Variants in VEPH1 observed in about 807,000 individuals in gnomAD.
The protein encoded by VEPH1 is ventricular zone-expressed PH domain-containing protein homolog 1.
A neutral mutation model predicts 85.2 loss-of-function variants in VEPH1; 80 were observed. The ratio of observed to expected loss-of-function variants is 0.94; its 90% confidence interval spans 0.78 to 1.13. The LOEUF (loss-of-function observed/expected upper bound fraction) is 1.13, where lower values mean the gene tolerates loss of function less well. VEPH1 is among the 50% of genes most tolerant of loss of function. The pLI, the probability that VEPH1 is intolerant of heterozygous loss-of-function variation, is 0.00. For missense variants in VEPH1, 955 were observed against 980.5 expected (o/e 0.97, Z 0.35); for synonymous variants, 297 against 348.0 (o/e 0.85, Z 1.63).
chr3:157,305,378 G>A (rs932831400), intron 11 of VEPH1, among the ~76,000 whole-genome samples: 9 of 151,906 alleles, frequency 5.9e-5, no homozygotes, highest in African/African-American at 2.2e-4. Flanking sequence ...CCAAAGTGCT[G>A]GGATTACAGG....
chr3:157,333,251 A>G (rs1010298814), intron 9 of VEPH1, among the ~76,000 whole-genome samples: 6 of 152,182 alleles, frequency 3.9e-5, no homozygotes, highest in African/African-American at 1.4e-4. Flanking sequence ...GCACCTTCCA[A>G]TAAGTGATGA....
At chr3:157,334,215 T>A (rs753323681) in intron 9 of VEPH1, among the ~76,000 whole-genome samples, 21 of 152,120 alleles carry the variant, frequency 1.4e-4, no homozygotes, top group Non-Finnish European at 2.4e-4. Flanking sequence ...CATGAGAAAG[T>A]TAGGGGGCAT....
chr3:157,332,854 T>A (rs571194545), intron 9 of VEPH1, among the ~76,000 whole-genome samples: 1 of 152,328 alleles, frequency 6.6e-6, no homozygotes, highest in African/African-American at 2.4e-5. Context: ...TCTTACAATG[T>A]CCAAACTTAA....
chr3:157,291,855 G>A (rs1717509830), intron 11 of VEPH1, among the ~76,000 whole-genome samples: 2 of 152,018 alleles, frequency 1.3e-5, no homozygotes, highest in African/African-American at 4.8e-5. Flanking sequence ...ATCAACAGTA[G>A]CATTTAGGTT....
At chr3:157,361,308 T>C (rs965454637) in intron 9 of VEPH1, among the ~76,000 whole-genome samples, 2 of 152,214 alleles carry the variant, frequency 1.3e-5, no homozygotes, top group African/African-American at 4.8e-5. Flanking sequence ...AGTGTCAGAT[T>C]ATAACAGACA....
intron 1 of VEPH1, among the ~76,000 whole-genome samples, chr3:157,502,104 C>T (rs79557851): frequency 6.6e-6 from 1 of 152,162 alleles, no homozygotes; most frequent in Non-Finnish European, 1.5e-5. Flanking sequence ...TTGGCTGTGG[C>T]GTGCTGCTAC....
chr3:157,460,679 A>G (rs1251158521), intron 3 of VEPH1, among the ~76,000 whole-genome samples: 1 of 152,182 alleles, frequency 6.6e-6, no homozygotes, highest in African/African-American at 2.4e-5. Context: ...GTAATGTCTT[A>G]GTTGGGACCT....
chr3:157,470,527 A>G lies in VEPH1; in HGVS notation c.141T>C (p.Asp47=). 1.2e-6 allele frequency: 2 copies of G among 1,613,954 alleles called. No individual in the cohort carries two copies. Among genetic ancestry groups the G allele is most frequent in the Non-Finnish European group, 1.7e-6 (2 of 1,179,892 alleles). The change falls in exon 3 of 14, where the codon GAT becomes GAC. Residue 47 remains aspartate (D), a splice_region_variant and synonymous_variant. Transcript: ENST00000362010. ...CCTGGTCATTGTTATTGGTTTGGTA[A>G]TCCTGTTTGGAAAGAAAATCTTCAT... ...EQIKIISSSS[D]YQTNNNDQAV...
At chr3:157,441,054 T>G (rs1015101101) in intron 4 of VEPH1, among the ~76,000 whole-genome samples, 3 of 152,234 alleles carry the variant, frequency 2.0e-5, no homozygotes, top group Non-Finnish European at 4.4e-5. Flanking sequence ...AGGAGCAGAA[T>G]GGAAGGGCCT....
At chr3:157,343,274 C>A (rs1723798301) in intron 9 of VEPH1, among the ~76,000 whole-genome samples, 2 of 151,976 alleles carry the variant, frequency 1.3e-5, no homozygotes, top group East Asian at 3.9e-4. Context: ...AATTGATAGA[C>A]CACTAGCAAG....
At chr3:157,479,993 CTCTCTTTCTTTCTTTTTCTTTCTTT>C (rs2109575031) in intron 2 of VEPH1, among the ~76,000 whole-genome samples, 1 of 151,882 alleles carries the variant, frequency 6.6e-6, no homozygotes, top group East Asian at 1.9e-4. Context: ...TTTTCACTTT[CTCTCTTTCTTTCTTTTTCTTTCTTT>C]TCTCTTTCTT....
chr3:157,345,354 C>A (rs1446075813), intron 9 of VEPH1, among the ~76,000 whole-genome samples: 2 of 152,168 alleles, frequency 1.3e-5, no homozygotes, highest in East Asian at 1.9e-4. Flanking sequence ...CCATCAAAAT[C>A]AAAAAGTGGG....
intron 9 of VEPH1, among the ~76,000 whole-genome samples, chr3:157,336,210 C>A (rs903239546): frequency 5.9e-5 from 9 of 152,216 alleles, no homozygotes; most frequent in Admixed American, 4.6e-4. Context: ...ATTGTTGGCA[C>A]TATTCTTGTC....
chr3:157,317,863 G>T lies in VEPH1; in HGVS notation c.1736-662C>A, dbSNP rs535953688. Among the ~76,000 whole-genome samples the T allele has an allele frequency of 7.9e-5, 12 of 152,220 alleles. No homozygotes were observed. The East Asian group carries it at 2.3e-3, about 29-fold the overall frequency. ...GCAAATATGGGTTGAGATTCTATGG[G>T]CTAGGCACTGTGTTAAGTACTGGAT... On this transcript the variant is annotated intron_variant, in intron 9 of 13. Transcript: ENST00000362010.
Position 157,461,098 on chromosome 3 carries a change from T to C in VEPH1, c.355-743A>G, listed in dbSNP as rs567593780. ...ATTCAGAGGAAAAAAAATAAATGAA[T>C]GTAAGATTAAAACCTAAAGGTATTC... On this transcript the variant is annotated intron_variant, in intron 3 of 13. Transcript: ENST00000362010. Among the ~76,000 whole-genome samples the C allele has an allele frequency of 1.7e-4, 26 of 152,298 alleles. No individual in the cohort carries two copies. The South Asian group carries it at 2.7e-3, about 16-fold the overall frequency.
chr3:157,448,203 A>T (rs1392363244), intron 4 of VEPH1, among the ~76,000 whole-genome samples: 2 of 152,154 alleles, frequency 1.3e-5, no homozygotes, highest in African/African-American at 4.8e-5. Flanking sequence ...AATGAGCTGA[A>T]TTTATCATAA....
chr3:157,363,616 T>TA lies in VEPH1; in HGVS notation c.1482dup (p.Lys495Ter). The TA allele has an allele frequency of 1.2e-6, 2 of 1,614,174 alleles. No homozygotes were observed. Among genetic ancestry groups the TA allele is most frequent in the Non-Finnish European group, 1.7e-6 (2 of 1,180,012 alleles). ...AGCTGTGATCTCTCAGTGTCTGTCT[T>TA]AAACGGCAGCTTGTCATTTCCTTGG... On this transcript the variant is annotated frameshift_variant, in exon 9 of 14. Transcript: ENST00000362010. LOFTEE classifies it high-confidence loss of function.
intron 4 of VEPH1, among the ~76,000 whole-genome samples, chr3:157,456,061 T>C (rs1485077973): frequency 6.6e-6 from 1 of 152,074 alleles, no homozygotes; most frequent in Non-Finnish European, 1.5e-5. Context: ...TGTTATTTTT[T>C]AATAATACAC....
Position 157,328,689 on chromosome 3 carries a change from G to A in VEPH1, c.1736-11488C>T, listed in dbSNP as rs898902571. Among the ~76,000 whole-genome samples the A allele has an allele frequency of 7.2e-5, 11 of 152,126 alleles. No homozygotes were observed. The East Asian group carries it at 1.5e-3, about 21-fold the overall frequency. ...AAGTGAGACTTTTGATGTACATGTC[G>A]TTTTGAGGCTCAGAAGCACAGAAAT... On this transcript the variant is annotated intron_variant, in intron 9 of 13. Coordinates refer to ENST00000362010, the MANE Select transcript of VEPH1 (RefSeq NM_001167912.2).
Sources: gnomAD v4.1 joint callset for allele counts (sites outside exome capture counted in the v4.1 genomes callset) on GRCh38, gnomAD v4.1.1 for gene constraint, MANE v1.5 for transcripts, NCBI Gene and HGNC (gene_info 2026-07-23, HGNC 2026-07-21) for gene names.